Variants in ACCSL observed in about 807,000 individuals in gnomAD.
The protein encoded by ACCSL is 1-aminocyclopropane-1-carboxylate synthase homolog (inactive) like.
ACCSL carries 55 observed loss-of-function variants against 61.7 expected under a neutral mutation model. The ratio of observed to expected loss-of-function variants is 0.89; its 90% CI spans 0.72 to 1.12. ACCSL has a LOEUF of 1.12. Ranked by LOEUF, ACCSL falls within the 50% of genes most tolerant of loss-of-function variation. The pLI, the probability that ACCSL is intolerant of heterozygous loss-of-function variation, is 0.00. For synonymous variants in ACCSL, 258 were observed against 264.3 expected (o/e 0.98, Z 0.23); for missense variants, 632 against 698.0 (o/e 0.91, Z 1.07).
chr11:44,001,585 A>G, the ACCSL span, among the ~76,000 whole-genome samples: 1 of 151,998 alleles, frequency 6.6e-6, no homozygotes, highest in African/African-American at 2.4e-5. Flanking sequence ...CGGCGTGTCC[A>G]TCTGTTAAAT....
the ACCSL span, among the ~76,000 whole-genome samples, chr11:43,979,846 CAAAAAAAAAAAA>C: frequency 0.016 from 821 of 50,856 alleles, 12 homozygotes; most frequent in African/African-American, 0.049. Context: ...GACTCTGTCT[CAAAAAAAAAAAA>C]AAAAAAAGAA....
At chr11:43,972,527 A>T in the ACCSL span, among the ~76,000 whole-genome samples, 3 of 152,214 alleles carry the variant, frequency 2.0e-5, no homozygotes, top group Non-Finnish European at 2.9e-5. Context: ...TCTAAAAATG[A>T]CAGCTATGCT....
the ACCSL span, chr11:43,944,280 GC>G: frequency 6.1e-6 from 1 of 164,094 alleles, no homozygotes; most frequent in African/African-American, 2.4e-5. Flanking sequence ...ATTCCTGGCG[GC>G]GGGTGGGGAG....
chr11:44,042,623 GTTGTTTTTTTTTTGTTT>G, the ACCSL span, among the ~76,000 whole-genome samples: 1 of 42,228 alleles, frequency 2.4e-5, no homozygotes, highest in Admixed American at 2.3e-4. Context: ...AGCCTTCCTG[GTTGTTTTTTTTTTGTTT>G]GTTTTGTTTG....
chr11:43,984,217 C>T, the ACCSL span, among the ~76,000 whole-genome samples: 4 of 152,168 alleles, frequency 2.6e-5, no homozygotes, highest in Admixed American at 2.6e-4. Flanking sequence ...GTCCACTACA[C>T]GTGGCCATTA....
rs748471921 is a variant in ACCSL, at chr11:44,055,218, A to G, written c.1066A>G (p.Ile356Val). The change falls in exon 9 of 14, where the codon ATC (isoleucine) becomes GTC (valine). Residue 356 changes from isoleucine (I) to valine (V), a missense_variant. Physicochemically the swap from Ile to Val is conservative, Grantham distance 29 (BLOSUM62 3). Transcript: ENST00000378832. ...AATCTACAGGTATAACCTACATGTG[A>G]TCATAGATGAGATTTACATGCTGTC... ...EFAKRYNLHV[I>V]IDEIYMLSVF... 1.4e-5 allele frequency: 23 copies of G among 1,611,070 alleles called. No homozygotes were observed. In the South Asian group the frequency reaches 1.4e-4, roughly 10 times the overall value.
At position 44,048,078 on chromosome 11, in the gene ACCSL, G is replaced by C; in HGVS notation, c.42G>C (p.Gln14His). The change falls in exon 1 of 14, where the codon CAG (glutamine) becomes CAC (histidine). Residue 14 changes from glutamine (Q) to histidine (H), a missense_variant. Coordinates refer to ENST00000378832, the MANE Select transcript of ACCSL (RefSeq NM_001031854.2). ...RSDTLPVPSGQRRGRVPRDHS... is the reference protein window; with the variant it reads ...RSDTLPVPSGHRRGRVPRDHS... ...ACACCCTTCCTGTGCCCTCTGGTCAGAGGAGAGGCCGGGTCCCCAGAGACC... is the reference window on the plus strand; with the variant it reads ...ACACCCTTCCTGTGCCCTCTGGTCACAGGAGAGGCCGGGTCCCCAGAGACC... 1 of 1,614,126 alleles carries C rather than the reference G, an allele frequency of 6.2e-7. No homozygotes were observed. Among genetic ancestry groups the C allele is most frequent in the Non-Finnish European group, 8.5e-7 (1 of 1,179,978 alleles).
the ACCSL span, among the ~76,000 whole-genome samples, chr11:43,941,844 G>A: frequency 1.1e-4 from 16 of 152,042 alleles, no homozygotes; most frequent in Non-Finnish European, 1.5e-5. Flanking sequence ...GGTTGGCTTG[G>A]AGTAAAGCTC....
the ACCSL span, among the ~76,000 whole-genome samples, chr11:43,954,774 G>A: frequency 6.6e-6 from 1 of 152,024 alleles, no homozygotes. Flanking sequence ...TAGTAGAGAC[G>A]GGGTTTCTCC....
At chr11:44,045,361 G>A (rs1014541252), upstream of ACCSL, among the ~76,000 whole-genome samples, 3 of 152,076 alleles carry the variant, frequency 2.0e-5, no homozygotes, top group Non-Finnish European at 4.4e-5. Context: ...GAACGCTGGA[G>A]CCCAGGAGGC....
chr11:44,052,863 G>A, intron 6 of ACCSL, 104 bp downstream of exon 6: 1 of 1,446,074 alleles, frequency 6.9e-7, no homozygotes, highest in Non-Finnish European at 9.7e-7. Context: ...CTAAGTGGTT[G>A]GGTAGGGGTG....
chr11:43,938,862 G>C, the ACCSL span, among the ~76,000 whole-genome samples: 1 of 152,172 alleles, frequency 6.6e-6, no homozygotes, highest in Admixed American at 6.5e-5. Flanking sequence ...CTAAATAACA[G>C]ACTTAGATGT....
At chr11:44,024,634 T>C in the ACCSL span, among the ~76,000 whole-genome samples, 2 of 152,160 alleles carry the variant, frequency 1.3e-5, no homozygotes, top group Non-Finnish European at 2.9e-5. Flanking sequence ...GAATGTTCCA[T>C]GTGCACTTGA....
chr11:43,936,149 G>A, the ACCSL span, among the ~76,000 whole-genome samples: 1 of 152,210 alleles, frequency 6.6e-6, no homozygotes, highest in African/African-American at 2.4e-5. Flanking sequence ...CCACGTTTGG[G>A]CATCAGCAGT....
the ACCSL span, chr11:43,944,630 GA>G: frequency 2.6e-5 from 4 of 152,488 alleles, no homozygotes; most frequent in African/African-American, 9.6e-5. Flanking sequence ...GGGTAACAGG[GA>G]GAGGAGCGCC....
At chr11:43,997,496 C>T in the ACCSL span, among the ~76,000 whole-genome samples, 21 of 152,100 alleles carry the variant, frequency 1.4e-4, no homozygotes, top group African/African-American at 2.4e-4. Flanking sequence ...TTTCCAGTTG[C>T]GATATTTTCC....
the ACCSL span, chr11:43,945,086 C>G: frequency 1.3e-5 from 2 of 152,388 alleles, no homozygotes; most frequent in Non-Finnish European, 2.9e-5. Flanking sequence ...GGGTGTTCTT[C>G]CCTCGGCTCA....
the ACCSL span, among the ~76,000 whole-genome samples, chr11:44,011,335 A>C: frequency 1.3e-5 from 2 of 152,176 alleles, no homozygotes; most frequent in Non-Finnish European, 2.9e-5. Context: ...CTATGGATTT[A>C]TTAGTGAGCT....
chr11:44,024,441 CTGTGTGTGTGTGTGTGTGTGTGTG>C, the ACCSL span, among the ~76,000 whole-genome samples: 1 of 132,098 alleles, frequency 7.6e-6, no homozygotes, highest in East Asian at 2.3e-4. Flanking sequence ...CTCTCTCTCT[CTGTGTGTGTGTGTGTGTGTGTGTG>C]TGTGTGTGTG....
Sources: gnomAD v4.1 joint callset for allele counts (sites outside exome capture counted in the v4.1 genomes callset) on GRCh38, gnomAD v4.1.1 for gene constraint, MANE v1.5 for transcripts, NCBI Gene and HGNC (gene_info 2026-07-23, HGNC 2026-07-21) for gene names.